Variants in ADAMTS18 observed in about 807,000 individuals in gnomAD.
ADAMTS18 encodes the protein A disintegrin and metalloproteinase with thrombospondin motifs 18.
ADAMTS18 carries 157 observed loss-of-function variants against 165.9 expected under a neutral mutation model. That is an observed-to-expected ratio of 0.95 (90% CI 0.83 to 1.08). ADAMTS18 has a LOEUF of 1.08. Ranked by LOEUF, ADAMTS18 falls within the 50% of genes least tolerant of loss-of-function variation. The pLI, the probability that ADAMTS18 is intolerant of heterozygous loss-of-function variation, is 0.00. For synonymous variants in ADAMTS18, 782 were observed against 578.2 expected (o/e 1.35, Z -5.06); for missense variants, 2,040 against 1,534.0 (o/e 1.33, Z -5.51).
chr16:77,341,561 C>A (rs2056397777), intron 11 of ADAMTS18, 143 bp downstream of exon 11: 1 of 717,868 alleles, frequency 1.4e-6, no homozygotes, highest in Non-Finnish European at 2.4e-6. Flanking sequence ...TTTGTAATTG[C>A]TGCTATATAA....
intron 8 of ADAMTS18, among the ~76,000 whole-genome samples, chr16:77,357,592 T>A (rs1005605053): frequency 2.6e-5 from 4 of 152,154 alleles, no homozygotes; most frequent in African/African-American, 9.7e-5. Context: ...GTAGGAGAGA[T>A]TGAAGCCATT....
chr16:77,335,891 C>A lies in ADAMTS18; in HGVS notation c.1724G>T (p.Gly575Val), dbSNP rs867339726. Residue 575 changes from glycine (G) to valine (V), a missense_variant, in exon 12 of 23, where the codon GGC becomes GTC. Physicochemically the swap from Gly to Val is moderately radical, Grantham distance 109. Transcript: ENST00000282849. The part of the protein sequence containing the change: ...VCGLSMWCRQ[G>V]QCVKFGELGP... Reference sequence around the variant, plus strand: ...GAGCTCCCCAAACTTTACGCACTGGCCTTGCCGACACCACTGTGAAAAGAA... The same window carrying A: ...GAGCTCCCCAAACTTTACGCACTGGACTTGCCGACACCACTGTGAAAAGAA... 1 of 1,614,212 alleles carries A rather than the reference C, an allele frequency of 6.2e-7. No individual in the cohort carries two copies. Among genetic ancestry groups the A allele is most frequent in the Non-Finnish European group, 8.5e-7 (1 of 1,180,024 alleles).
chr16:77,297,185 C>G, intron 18 of ADAMTS18, 104 bp downstream of exon 18: 1 of 1,497,314 alleles, frequency 6.7e-7, no homozygotes, highest in Non-Finnish European at 9.3e-7. Flanking sequence ...ACCTTTGAAT[C>G]ACTTTCCATT....
chr16:77,371,264 GA>G (rs992202032), intron 3 of ADAMTS18, among the ~76,000 whole-genome samples: 24 of 151,628 alleles, frequency 1.6e-4, no homozygotes, highest in African/African-American at 5.6e-4. Flanking sequence ...CGGAGAAAAA[GA>G]AAAAAGAAAA....
intron 21 of ADAMTS18, chr16:77,290,895 A>G: frequency 2.9e-6 from 1 of 350,534 alleles, no homozygotes; most frequent in East Asian, 7.0e-5. Context: ...ATGATGTAAG[A>G]ACCAAATGAG....
intron 3 of ADAMTS18, among the ~76,000 whole-genome samples, chr16:77,407,248 T>C (rs1349757656): frequency 1.3e-5 from 2 of 152,044 alleles, no homozygotes; most frequent in African/African-American, 2.4e-5. Context: ...TTAAATAGCA[T>C]AAAAATATCA....
chr16:77,298,531 C>T (rs561959872), intron 17 of ADAMTS18, among the ~76,000 whole-genome samples: 2 of 152,136 alleles, frequency 1.3e-5, no homozygotes, highest in Admixed American at 6.5e-5. Flanking sequence ...ATGGCTCACA[C>T]TGATAATCCC....
intron 7 of ADAMTS18, among the ~76,000 whole-genome samples, chr16:77,361,896 A>AAAAT (rs1357672955): frequency 6.6e-6 from 1 of 151,812 alleles, no homozygotes; most frequent in African/African-American, 2.4e-5. Context: ...AATTAAAAAA[A>AAAAT]ATACAAAATG....
At chr16:77,321,889 C>T (rs536031718) in intron 14 of ADAMTS18, among the ~76,000 whole-genome samples, 3 of 152,252 alleles carry the variant, frequency 2.0e-5, no homozygotes, top group African/African-American at 7.2e-5. Context: ...GGCGTGGTGG[C>T]TCACGCCTAT....
intron 22 of ADAMTS18, among the ~76,000 whole-genome samples, chr16:77,285,876 C>T (rs183286363): frequency 9.8e-5 from 15 of 152,322 alleles, no homozygotes; most frequent in African/African-American, 3.4e-4. Context: ...CCTCCTCCAA[C>T]CGCTTCCTGG....
At chr16:77,286,624 T>A (rs2055256873) in intron 22 of ADAMTS18, among the ~76,000 whole-genome samples, 1 of 152,156 alleles carries the variant, frequency 6.6e-6, no homozygotes. Context: ...TGGATTCAAC[T>A]CTATTTTTAT....
chr16:77,385,972 T>C (rs538797961), intron 3 of ADAMTS18, among the ~76,000 whole-genome samples: 1 of 152,234 alleles, frequency 6.6e-6, no homozygotes, highest in Non-Finnish European at 1.5e-5. Flanking sequence ...CAAAGAACTG[T>C]CCAAAGTCTC....
At chr16:77,340,412 G>C (rs1423673874) in intron 11 of ADAMTS18, among the ~76,000 whole-genome samples, 1 of 151,984 alleles carries the variant, frequency 6.6e-6, no homozygotes, top group Non-Finnish European at 1.5e-5. Context: ...TGACCTCAAG[G>C]GATCCACCCA....
chr16:77,396,734 T>G (rs1269721354), intron 3 of ADAMTS18, among the ~76,000 whole-genome samples: 1 of 151,994 alleles, frequency 6.6e-6, no homozygotes, highest in Non-Finnish European at 1.5e-5. Context: ...ACATTACTGT[T>G]GTCAGAGAGC....
intron 16 of ADAMTS18, among the ~76,000 whole-genome samples, chr16:77,311,341 A>AG (rs1254156690): frequency 6.6e-6 from 1 of 152,124 alleles, no homozygotes; most frequent in Non-Finnish European, 1.5e-5. Flanking sequence ...TAGATTTAAT[A>AG]TTTTTGTATT....
chr16:77,337,049 A>G (rs952719749), intron 11 of ADAMTS18, among the ~76,000 whole-genome samples: 1 of 152,204 alleles, frequency 6.6e-6, no homozygotes, highest in Non-Finnish European at 1.5e-5. Context: ...CTTGGTTGCT[A>G]GCGCACTCTA....
chr16:77,402,387 T>C (rs2057342587), intron 3 of ADAMTS18, among the ~76,000 whole-genome samples: 1 of 152,162 alleles, frequency 6.6e-6, no homozygotes, highest in African/African-American at 2.4e-5. Flanking sequence ...GCAATGTCTG[T>C]TATCCCGATA....
At chr16:77,330,513 T>C (rs553807018) in intron 12 of ADAMTS18, among the ~76,000 whole-genome samples, 5 of 152,268 alleles carry the variant, frequency 3.3e-5, no homozygotes, top group South Asian at 2.1e-4. Context: ...TGTGAAATAA[T>C]TGGATTAGGC....
intron 16 of ADAMTS18, among the ~76,000 whole-genome samples, chr16:77,314,649 G>GTGTATATATA (rs10527824): frequency 7.9e-6 from 1 of 126,476 alleles, no homozygotes; most frequent in African/African-American, 3.1e-5. Flanking sequence ...GTGTGTGTGT[G>GTGTATATATA]TATATATATA....
Sources: gnomAD v4.1 joint callset for allele counts (sites outside exome capture counted in the v4.1 genomes callset) on GRCh38, gnomAD v4.1.1 for gene constraint, MANE v1.5 for transcripts, NCBI Gene and HGNC (gene_info 2026-07-23, HGNC 2026-07-21) for gene names.